Variants in CSMD3 observed in about 807,000 individuals in gnomAD.
CSMD3 encodes CUB and sushi domain-containing protein 3.
Under a neutral mutation model 435.2 loss-of-function variants are expected in CSMD3, and 177 were observed. That is an observed-to-expected ratio of 0.41 (90% CI 0.36 to 0.46). The LOEUF (loss-of-function observed/expected upper bound fraction) is 0.46, where lower values mean the gene tolerates loss of function less well. CSMD3 is among the 20% of genes least tolerant of loss of function. The pLI, the probability that CSMD3 is intolerant of heterozygous loss-of-function variation, is 0.34. For synonymous variants in CSMD3, 1,656 were observed against 1,520.5 expected (o/e 1.09, Z -2.07); for missense variants, 4,265 against 4,504.6 (o/e 0.95, Z 1.52).
intron 16 of CSMD3, among the ~76,000 whole-genome samples, chr8:112,676,700 G>A (rs1468353848): frequency 6.6e-6 from 1 of 152,024 alleles, no homozygotes. Flanking sequence ...TTATATTCAG[G>A]AACTGTTTCC....
At chr8:112,718,494 C>A (rs1587066616) in intron 13 of CSMD3, among the ~76,000 whole-genome samples, 1 of 147,468 alleles carries the variant, frequency 6.8e-6, no homozygotes, top group South Asian at 2.1e-4. Context: ...TGTTCTAATG[C>A]CTATGTGTGT....
At chr8:112,380,312 GTTC>G in intron 38 of CSMD3, 37 bp downstream of exon 38, 1 of 1,075,236 alleles carries the variant, frequency 9.3e-7, no homozygotes, top group East Asian at 2.4e-5. Context: ...ATATAAACTT[GTTC>G]TTAACCTTTT....
At position 112,224,622 on chromosome 8, in the gene CSMD3, A is replaced by G; in HGVS notation, c.*149T>C. The G allele has an allele frequency of 1.3e-6, 1 of 795,440 alleles. No homozygotes were observed. The allele number at this position is 795,440 out of a possible 1,614,324, so 49.3% of individuals were successfully genotyped here. On this transcript the variant is annotated 3_prime_UTR_variant, in exon 71 of 71. Coordinates refer to ENST00000297405, the MANE Select transcript of CSMD3 (RefSeq NM_198123.2). ...AACATGAAGAATTATGGTCCAGTTT[A>G]TGAAAAAACACTCTTCTGTATCATT...
At chr8:112,230,705 G>A (rs898269140) in intron 69 of CSMD3, among the ~76,000 whole-genome samples, 4 of 151,998 alleles carry the variant, frequency 2.6e-5, no homozygotes, top group Admixed American at 1.3e-4. Flanking sequence ...CCAGCTACTC[G>A]GGAGGCTGAG....
At chr8:112,895,548 A>G (rs2081926195) in intron 10 of CSMD3, among the ~76,000 whole-genome samples, 1 of 151,398 alleles carries the variant, frequency 6.6e-6, no homozygotes, top group Non-Finnish European at 1.5e-5. Context: ...AAGAAAATGA[A>G]TAGGTGGATG....
At chr8:113,317,391 C>A (rs1176022760) in intron 1 of CSMD3, among the ~76,000 whole-genome samples, 1 of 152,098 alleles carries the variant, frequency 6.6e-6, no homozygotes, top group East Asian at 1.9e-4. Flanking sequence ...AGCCCCATAA[C>A]CCTGATAGTT....
chr8:112,516,435 C>T (rs906920645), intron 28 of CSMD3, among the ~76,000 whole-genome samples: 9 of 151,954 alleles, frequency 5.9e-5, no homozygotes, highest in Non-Finnish European at 1.3e-4. Flanking sequence ...CGGGACATTC[C>T]TCTAAGTCTT....
intron 27 of CSMD3, among the ~76,000 whole-genome samples, chr8:112,519,019 T>C (rs1824003271): frequency 6.6e-6 from 1 of 152,068 alleles, no homozygotes; most frequent in African/African-American, 2.4e-5. Flanking sequence ...GCTCCTGTGA[T>C]TCAATCACCT....
intron 3 of CSMD3, among the ~76,000 whole-genome samples, chr8:113,241,799 A>G (rs143811381): frequency 1.3e-5 from 2 of 151,946 alleles, no homozygotes; most frequent in Admixed American, 6.6e-5. Flanking sequence ...GGAAGATTCT[A>G]TCTTGTCCTC....
intron 38 of CSMD3, among the ~76,000 whole-genome samples, chr8:112,370,082 A>AAGTAGTAGT (rs377246718): frequency 2.9e-5 from 3 of 103,550 alleles, no homozygotes; most frequent in African/African-American, 1.1e-4. Flanking sequence ...GAAGAAGAAG[A>AAGTAGTAGT]AGTAGTAGTA....
intron 68 of CSMD3, among the ~76,000 whole-genome samples, chr8:112,233,479 G>A (rs980762969): frequency 7.9e-5 from 12 of 152,214 alleles, no homozygotes; most frequent in Non-Finnish European, 1.5e-4. Flanking sequence ...TTGAAGATTT[G>A]ACTCAGTTCC....
intron 4 of CSMD3, among the ~76,000 whole-genome samples, chr8:113,141,823 C>T (rs1263691308): frequency 2.0e-5 from 3 of 150,814 alleles, no homozygotes; most frequent in Admixed American, 1.3e-4. Context: ...TACAGTAATA[C>T]GATAAACACA....
intron 5 of CSMD3, among the ~76,000 whole-genome samples, chr8:113,035,990 AT>A (rs1234041091): frequency 6.6e-6 from 1 of 151,888 alleles, no homozygotes; most frequent in Non-Finnish European, 1.5e-5. Flanking sequence ...CTTATAACAA[AT>A]TTTCTTTAGG....
chr8:112,587,515 A>G (rs1830833475), intron 22 of CSMD3, among the ~76,000 whole-genome samples: 1 of 151,974 alleles, frequency 6.6e-6, no homozygotes, highest in South Asian at 2.1e-4. Flanking sequence ...GGAAAGGGTG[A>G]GAGCATGAAC....
intron 1 of CSMD3, among the ~76,000 whole-genome samples, chr8:113,397,338 A>G (rs1014031337): frequency 3.3e-5 from 5 of 151,716 alleles, no homozygotes; most frequent in African/African-American, 9.7e-5. Flanking sequence ...TTCATTATCT[A>G]TTTTCCTATT....
At chr8:112,684,964 T>G (rs2075979139) in intron 15 of CSMD3, among the ~76,000 whole-genome samples, 1 of 152,162 alleles carries the variant, frequency 6.6e-6, no homozygotes, top group African/African-American at 2.4e-5. Context: ...ATGTGATTTT[T>G]TCTTTGGAAT....
intron 13 of CSMD3, among the ~76,000 whole-genome samples, chr8:112,712,003 T>G (rs1194427772): frequency 6.6e-6 from 1 of 152,154 alleles, no homozygotes; most frequent in Non-Finnish European, 1.5e-5. Flanking sequence ...GGACTTTTGT[T>G]GGCTTGGAGC....
At chr8:112,985,725 G>A (rs768083439) in intron 6 of CSMD3, among the ~76,000 whole-genome samples, 5 of 152,022 alleles carry the variant, frequency 3.3e-5, no homozygotes, top group Non-Finnish European at 7.4e-5. Context: ...ATTCTTATAG[G>A]AGCATGAACT....
At chr8:112,343,064 T>A (rs1450346220) in intron 41 of CSMD3, among the ~76,000 whole-genome samples, 1 of 146,352 alleles carries the variant, frequency 6.8e-6, no homozygotes, top group Non-Finnish European at 1.5e-5. Flanking sequence ...ATATTTGATT[T>A]AATCAAAACT....
Sources: allele counts gnomAD v4.1 joint callset (sites outside exome capture counted in the v4.1 genomes callset), GRCh38; gene constraint gnomAD v4.1.1; transcripts MANE v1.5; gene names NCBI Gene and HGNC (gene_info 2026-07-23, HGNC 2026-07-21).